XKR4: variants seen among roughly 807,000 people sequenced by gnomAD.
The protein encoded by XKR4 is XK-related protein 4.
A neutral mutation model predicts 53.9 loss-of-function variants in XKR4; 12 were observed. That is an observed-to-expected ratio of 0.22 (90% CI 0.14 to 0.36). The LOEUF (loss-of-function observed/expected upper bound fraction) is 0.36, where lower values mean the gene tolerates loss of function less well. XKR4 is among the 10% of genes least tolerant of loss of function. The pLI is 1.00. For missense variants in XKR4, 799 were observed against 859.5 expected (o/e 0.93, Z 0.88); for synonymous variants, 354 against 362.4 (o/e 0.98, Z 0.26).
intron 2 of XKR4, chr8:55,451,727 T>C: frequency 8.0e-7 from 1 of 1,247,256 alleles, no homozygotes; most frequent in Non-Finnish European, 1.2e-6. Flanking sequence ...ACCAGAGAAA[T>C]GCGGAAGGAT....
chr8:55,147,642 G>A (rs1816789224), intron 1 of XKR4, among the ~76,000 whole-genome samples: 2 of 152,154 alleles, frequency 1.3e-5, no homozygotes, highest in South Asian at 4.1e-4. Flanking sequence ...TCTTTGGCTT[G>A]AAATGTAGTG....
chr8:55,436,216 C>G (rs1805175975), intron 2 of XKR4, among the ~76,000 whole-genome samples: 1 of 152,032 alleles, frequency 6.6e-6, no homozygotes, highest in Admixed American at 6.6e-5. Context: ...TTCTCGATTC[C>G]CACAAATGCC....
At chr8:55,304,891 C>T (rs1381935796) in intron 1 of XKR4, among the ~76,000 whole-genome samples, 1 of 151,760 alleles carries the variant, frequency 6.6e-6, no homozygotes, top group Non-Finnish European at 1.5e-5. Flanking sequence ...TATGTGCAGA[C>T]ACTTTATTAC....
intron 1 of XKR4, among the ~76,000 whole-genome samples, chr8:55,284,444 G>A (rs1475371575): frequency 1.3e-5 from 2 of 152,146 alleles, no homozygotes; most frequent in Non-Finnish European, 2.9e-5. Context: ...CTTGACTGGG[G>A]TTGGAGGATA....
chr8:55,366,095 G>A (rs1748899027), intron 2 of XKR4, among the ~76,000 whole-genome samples: 1 of 152,252 alleles, frequency 6.6e-6, no homozygotes, highest in African/African-American at 2.4e-5. Flanking sequence ...AGGCGCTGTG[G>A]AGGCCCAGTG....
At chr8:55,298,490 G>A (rs1292560148) in intron 1 of XKR4, among the ~76,000 whole-genome samples, 2 of 152,102 alleles carry the variant, frequency 1.3e-5, no homozygotes, top group Non-Finnish European at 2.9e-5. Context: ...GCAAAAAGGA[G>A]GCGGCATATC....
At chr8:55,416,064 A>C (rs564776862) in intron 2 of XKR4, among the ~76,000 whole-genome samples, 2 of 150,146 alleles carry the variant, frequency 1.3e-5, no homozygotes, top group South Asian at 4.2e-4. Flanking sequence ...ATATTTTTCC[A>C]CTCCCGCCAT....
chr8:55,225,323 G>A (rs1346601364), intron 1 of XKR4, among the ~76,000 whole-genome samples: 2 of 152,226 alleles, frequency 1.3e-5, no homozygotes, highest in Non-Finnish European at 2.9e-5. Context: ...TATATGCATT[G>A]TATGGCACAA....
intron 2 of XKR4, among the ~76,000 whole-genome samples, chr8:55,462,809 G>A (rs1476195456): frequency 2.6e-5 from 4 of 152,050 alleles, no homozygotes; most frequent in Non-Finnish European, 4.4e-5. Context: ...AACAAAAAAA[G>A]GCAGGGGTTG....
At chr8:55,359,963 C>T (rs766245065) in intron 2 of XKR4, among the ~76,000 whole-genome samples, 6 of 152,100 alleles carry the variant, frequency 3.9e-5, no homozygotes, top group Non-Finnish European at 8.8e-5. Flanking sequence ...GTCAGGTGTA[C>T]CACAGGCGTT....
At chr8:55,428,591 C>G (rs539780662) in intron 2 of XKR4, among the ~76,000 whole-genome samples, 1 of 152,208 alleles carries the variant, frequency 6.6e-6, no homozygotes, top group Non-Finnish European at 1.5e-5. Flanking sequence ...GGACTTTCAT[C>G]CCTGCTAGGC....
chr8:55,250,943 C>A (rs1818353336), intron 1 of XKR4, among the ~76,000 whole-genome samples: 1 of 152,206 alleles, frequency 6.6e-6, no homozygotes, highest in South Asian at 2.1e-4. Flanking sequence ...TCATCCTTAT[C>A]TATGGGAGAA....
At position 55,292,347 on chromosome 8, in the gene XKR4, T is replaced by C. The variant is rs73682949; in HGVS notation, c.807-65331T>C. Among the ~76,000 whole-genome samples the C allele has an allele frequency of 3.7e-3, 560 of 152,184 alleles. 5 individuals are homozygous for C. Among genetic ancestry groups the C allele is most frequent in the African/African-American group, 0.012 (507 of 41,536 alleles). On this transcript the variant is annotated intron_variant, in intron 1 of 2. Coordinates refer to ENST00000327381, the MANE Select transcript of XKR4 (RefSeq NM_052898.2). ...TCAATTTTTCTTAAAGTTATAGGGG[T>C]ATTCAAGTTATCTATTTCATATGGG... is the stretch of plus-strand genomic sequence containing the variant.
intron 2 of XKR4, among the ~76,000 whole-genome samples, chr8:55,367,006 T>G (rs1312242034): frequency 6.6e-6 from 1 of 152,210 alleles, no homozygotes; most frequent in Non-Finnish European, 1.5e-5. Context: ...CCTCTGTTTT[T>G]GTTTCCTAAT....
intron 2 of XKR4, among the ~76,000 whole-genome samples, chr8:55,419,309 C>T (rs944691566): frequency 6.6e-6 from 1 of 152,126 alleles, no homozygotes; most frequent in Non-Finnish European, 1.5e-5. Flanking sequence ...CGCTTGAACC[C>T]TGGAGGCAGA....
chr8:55,400,442 G>A (rs528159535), intron 2 of XKR4, among the ~76,000 whole-genome samples: 9 of 152,282 alleles, frequency 5.9e-5, no homozygotes, highest in African/African-American at 1.2e-4. Context: ...GCAAGGAATC[G>A]TTAGACCATA....
chr8:55,385,066 T>G (rs1189885429), intron 2 of XKR4, among the ~76,000 whole-genome samples: 1 of 152,144 alleles, frequency 6.6e-6, no homozygotes. Flanking sequence ...AATACAGATT[T>G]AAGTCAGGTA....
At chr8:55,164,279 C>T (rs570076147) in intron 1 of XKR4, 34 of 456,098 alleles carry the variant, frequency 7.5e-5, no homozygotes, top group Admixed American at 1.2e-4. Context: ...GCCTGACCCT[C>T]GTCCATTCTC....
intron 2 of XKR4, among the ~76,000 whole-genome samples, chr8:55,460,589 T>A (rs1255206207): frequency 6.6e-6 from 1 of 152,162 alleles, no homozygotes; most frequent in Non-Finnish European, 1.5e-5. Flanking sequence ...CATTTCCAAC[T>A]GAGGTATCGG....
Sources: gnomAD v4.1 joint callset for allele counts (sites outside exome capture counted in the v4.1 genomes callset) on GRCh38, gnomAD v4.1.1 for gene constraint, MANE v1.5 for transcripts, NCBI Gene and HGNC (gene_info 2026-07-23, HGNC 2026-07-21) for gene names.